LYPD6: variants seen among roughly 807,000 people sequenced by gnomAD.
The protein encoded by LYPD6 is LY6/PLAUR domain containing 6.
Under a neutral mutation model 22.7 loss-of-function variants are expected in LYPD6, and 15 were observed. The observed-to-expected ratio is 0.66, with a 90% CI of 0.44 to 1.02. LYPD6 has a LOEUF of 1.02. LYPD6 is among the 50% of genes least tolerant of loss of function. The probability of loss-of-function intolerance (pLI) is 0.00; values close to 1 mark genes in which losing one functional copy is unlikely to be tolerated. For missense variants in LYPD6, 189 were observed against 208.4 expected (o/e 0.91, Z 0.57); for synonymous variants, 72 against 77.5 (o/e 0.93, Z 0.37).
intron 1 of LYPD6, among the ~76,000 whole-genome samples, chr2:149,347,639 A>G (rs767133549): frequency 2.0e-5 from 3 of 152,100 alleles, no homozygotes; most frequent in Non-Finnish European, 4.4e-5. Context: ...CCTTTTTCAT[A>G]TTTTTTGAGT....
At chr2:149,378,263 G>A (rs1190374936) in intron 1 of LYPD6, among the ~76,000 whole-genome samples, 1 of 152,046 alleles carries the variant, frequency 6.6e-6, no homozygotes, top group African/African-American at 2.4e-5. Flanking sequence ...GATTACAGGT[G>A]CCTGCCACCA....
chr2:149,479,053 C>A (rs1681483012), downstream of LYPD6, among the ~76,000 whole-genome samples: 3 of 152,144 alleles, frequency 2.0e-5, no homozygotes, highest in Non-Finnish European at 2.9e-5. Context: ...TCCAGTCTGT[C>A]CTCAGGCCTC....
chr2:149,481,149 T>C, the LYPD6 span, among the ~76,000 whole-genome samples: 1 of 152,108 alleles, frequency 6.6e-6, no homozygotes, highest in Non-Finnish European at 1.5e-5. Flanking sequence ...TGGAACATAA[T>C]AGGTGTTTGG....
intron 1 of LYPD6, among the ~76,000 whole-genome samples, chr2:149,390,947 T>G (rs1310342817): frequency 6.6e-6 from 1 of 152,228 alleles, no homozygotes; most frequent in African/African-American, 2.4e-5. Context: ...ACCTGTATGG[T>G]GAGCATTGGT....
At chr2:149,427,717 G>C (rs527414980) in intron 1 of LYPD6, among the ~76,000 whole-genome samples, 1 of 152,330 alleles carries the variant, frequency 6.6e-6, no homozygotes, top group Non-Finnish European at 1.5e-5. Flanking sequence ...ATACTCAATA[G>C]CCTAGGTGTA....
At chr2:149,483,142 G>A in the LYPD6 span, among the ~76,000 whole-genome samples, 1 of 152,168 alleles carries the variant, frequency 6.6e-6, no homozygotes, top group Non-Finnish European at 1.5e-5. Context: ...GGGACCCACT[G>A]GCCTCCAGGC....
chr2:149,432,820 A>G (rs538767829), intron 1 of LYPD6, among the ~76,000 whole-genome samples: 1 of 152,264 alleles, frequency 6.6e-6, no homozygotes, highest in East Asian at 1.9e-4. Context: ...TCTGTTTCAT[A>G]TTGAATCTAT....
intron 1 of LYPD6, among the ~76,000 whole-genome samples, chr2:149,437,337 C>G (rs1033566727): frequency 4.6e-5 from 7 of 152,080 alleles, no homozygotes; most frequent in African/African-American, 1.7e-4. Context: ...GGCAGCCATC[C>G]CCTGGCCTCC....
chr2:149,403,243 C>A (rs1040068393), intron 1 of LYPD6, among the ~76,000 whole-genome samples: 2 of 151,778 alleles, frequency 1.3e-5, no homozygotes, highest in Non-Finnish European at 2.9e-5. Flanking sequence ...TGGGTATATA[C>A]CCAGTAATGG....
chr2:149,331,413 G>A (rs1680935757), intron 1 of LYPD6, among the ~76,000 whole-genome samples: 1 of 152,088 alleles, frequency 6.6e-6, no homozygotes, highest in Non-Finnish European at 1.5e-5. Flanking sequence ...ACTATCTGAC[G>A]GTCTGACTCG....
chr2:149,478,691 T>C (rs1168678269), downstream of LYPD6, among the ~76,000 whole-genome samples: 1 of 152,124 alleles, frequency 6.6e-6, no homozygotes. Context: ...CCCAATGTGC[T>C]GGGATTATGG....
intron 1 of LYPD6, among the ~76,000 whole-genome samples, chr2:149,347,754 A>G (rs1681283758): frequency 1.3e-5 from 2 of 152,192 alleles, no homozygotes; most frequent in Non-Finnish European, 1.5e-5. Context: ...AAGTTTAAAT[A>G]GCTTTGAAAT....
At chr2:149,388,254 A>G (rs934072068) in intron 1 of LYPD6, among the ~76,000 whole-genome samples, 2 of 151,528 alleles carry the variant, frequency 1.3e-5, no homozygotes, top group Non-Finnish European at 2.9e-5. Context: ...AAGCAGAGGA[A>G]GTGTACTTTG....
chr2:149,469,281 C>G (rs186529767), intron 4 of LYPD6, among the ~76,000 whole-genome samples: 49 of 152,246 alleles, frequency 3.2e-4, no homozygotes, highest in African/African-American at 1.1e-3. Context: ...TTAAGCTTCA[C>G]CTGGTACCTG....
intron 1 of LYPD6, among the ~76,000 whole-genome samples, chr2:149,361,960 G>A (rs1482222791): frequency 6.6e-6 from 1 of 152,114 alleles, no homozygotes; most frequent in Admixed American, 6.6e-5. Context: ...AGCAGAGGTT[G>A]CAATGATGTG....
At chr2:149,436,315 T>G (rs1321329124) in intron 1 of LYPD6, among the ~76,000 whole-genome samples, 2 of 152,202 alleles carry the variant, frequency 1.3e-5, no homozygotes, top group Non-Finnish European at 2.9e-5. Flanking sequence ...TGAGTAACCT[T>G]GACTCCTTGC....
chr2:149,417,672 A>G (rs917130342), intron 1 of LYPD6, among the ~76,000 whole-genome samples: 17 of 152,220 alleles, frequency 1.1e-4, no homozygotes, highest in East Asian at 1.9e-4. Flanking sequence ...CCCAAGGACT[A>G]TACCACTAAA....
chr2:149,356,280 C>T (rs922551362), intron 1 of LYPD6, among the ~76,000 whole-genome samples: 1 of 152,098 alleles, frequency 6.6e-6, no homozygotes, highest in African/African-American at 2.4e-5. Flanking sequence ...GCTCATTGGC[C>T]TATCTTGGGA....
In LYPD6 at chr2:149,332,463, C is replaced by CAA. The variant is rs1230090030; in HGVS notation, c.-72+1742_-72+1743insAA. On this transcript the variant is annotated intron_variant, in intron 1 of 4. Transcript: ENST00000334166. Reference sequence around the variant, plus strand: ...AATAATATCAAGTAAAAAACCATACCATGTGTTGTATCATACTGGATAGTT... The same window carrying CAA: ...AATAATATCAAGTAAAAAACCATACCAAATGTGTTGTATCATACTGGATAGTT... 5.9e-3 allele frequency among the ~76,000 whole-genome samples: 893 copies of CAA among 152,220 alleles called. 13 individuals are homozygous for CAA. Among genetic ancestry groups the CAA allele is most frequent in the African/African-American group, 0.02 (827 of 41,552 alleles).
Sources: allele counts gnomAD v4.1 joint callset (sites outside exome capture counted in the v4.1 genomes callset), GRCh38; gene constraint gnomAD v4.1.1; transcripts MANE v1.5; gene names NCBI Gene and HGNC (gene_info 2026-07-23, HGNC 2026-07-21).